The following TCERG1L variants were observed in gnomAD, a reference collection of about 807,000 sequenced individuals.
TCERG1L encodes transcription elongation regulator 1 like.
A neutral mutation model predicts 56.3 loss-of-function variants in TCERG1L; 37 were observed. The observed-to-expected ratio is 0.66, with a 90% CI of 0.51 to 0.87. TCERG1L has a LOEUF of 0.87. Ranked by LOEUF, TCERG1L falls within the 40% of genes least tolerant of loss-of-function variation. The pLI, the probability that TCERG1L is intolerant of heterozygous loss-of-function variation, is 0.00. For missense variants in TCERG1L, 799 were observed against 774.2 expected, an observed-to-expected ratio of 1.03 and a Z score of -0.38; for synonymous variants, 324 against 326.3, an observed-to-expected ratio of 0.99 and a Z score of 0.08.
chr10:131,306,646 T>G (rs1846821169), intron 3 of TCERG1L, among the ~76,000 whole-genome samples: 1 of 152,120 alleles, frequency 6.6e-6, no homozygotes, highest in African/African-American at 2.4e-5. Flanking sequence ...ACACCTACTA[T>G]GTACCCACAA....
chr10:131,173,985 A>C (rs1187831316), intron 4 of TCERG1L, among the ~76,000 whole-genome samples: 2 of 152,166 alleles, frequency 1.3e-5, no homozygotes, highest in Non-Finnish European at 2.9e-5. Context: ...AAACCCCTCA[A>C]GAAGCCCCTC....
intron 9 of TCERG1L, among the ~76,000 whole-genome samples, chr10:131,116,497 AGAG>A (rs1436821960): frequency 6.6e-6 from 1 of 152,172 alleles, no homozygotes; most frequent in African/African-American, 2.4e-5. Context: ...TTCTCCTTTC[AGAG>A]GAGAAGCAGG....
chr10:131,188,441 A>T (rs1017419157), intron 4 of TCERG1L, among the ~76,000 whole-genome samples: 4 of 152,192 alleles, frequency 2.6e-5, no homozygotes. Context: ...GTCTGAGAGC[A>T]ATGAACTTCT....
intron 4 of TCERG1L, among the ~76,000 whole-genome samples, chr10:131,211,154 C>T (rs915434984): frequency 1.3e-5 from 2 of 152,324 alleles, no homozygotes; most frequent in Non-Finnish European, 2.9e-5. Flanking sequence ...TGGTGGGGCA[C>T]GGTCAGGGCC....
chr10:131,307,066 A>G (rs1444586444), intron 3 of TCERG1L, among the ~76,000 whole-genome samples: 1 of 152,226 alleles, frequency 6.6e-6, no homozygotes, highest in Non-Finnish European at 1.5e-5. Context: ...ATACCAAAAG[A>G]ACCCTCCAAA....
rs35527542 is a variant in TCERG1L at position 131,096,883 on chromosome 10, C to CA, written c.1604+1422dup. Among the ~76,000 whole-genome samples, 165 of 134,696 alleles carry CA rather than the reference C, an allele frequency of 1.2e-3. 1 individual carries two copies. Among genetic ancestry groups the CA allele is most frequent in the African/African-American group, 2.4e-3 (87 of 36,558 alleles). 88.4% of individuals were successfully genotyped at this position (134,696 alleles called of 152,430 possible). ...CCTGGGCAACAGAGCGACTCCATCT[C>CA]AAAAAAAAAAAAAAAGAAAGAAAAA... is the stretch of plus-strand genomic sequence containing the variant. On this transcript the variant is annotated intron_variant, in intron 11 of 11. Coordinates refer to ENST00000368642, the MANE Select transcript of TCERG1L (RefSeq NM_174937.4).
At chr10:131,173,132 C>A (rs926583994) in intron 4 of TCERG1L, among the ~76,000 whole-genome samples, 4 of 152,038 alleles carry the variant, frequency 2.6e-5, no homozygotes, top group Non-Finnish European at 5.9e-5. Flanking sequence ...CTCAGGTGAT[C>A]CACCCGCCTC....
intron 4 of TCERG1L, among the ~76,000 whole-genome samples, chr10:131,243,121 T>C (rs909043660): frequency 6.6e-6 from 1 of 152,192 alleles, no homozygotes; most frequent in Non-Finnish European, 1.5e-5. Flanking sequence ...TGTGTGGGGC[T>C]GTGCAAGATT....
chr10:131,147,179 C>T (rs575834170), intron 6 of TCERG1L, among the ~76,000 whole-genome samples: 22 of 152,204 alleles, frequency 1.4e-4, no homozygotes, highest in South Asian at 2.1e-4. Context: ...ACCACAGCCC[C>T]GGTGTCCTGC....
intron 4 of TCERG1L, among the ~76,000 whole-genome samples, chr10:131,176,778 GGA>G (rs62640190): frequency 1.5e-3 from 22 of 14,584 alleles, no homozygotes; most frequent in East Asian, 9.6e-3. Context: ...CAAGACACAT[GGA>G]CACACAGAGA....
intron 4 of TCERG1L, among the ~76,000 whole-genome samples, chr10:131,178,413 C>A (rs1018453954): frequency 6.6e-6 from 1 of 152,150 alleles, no homozygotes; most frequent in Non-Finnish European, 1.5e-5. Flanking sequence ...ATCTCATGCC[C>A]TGAGTGGTCT....
At chr10:131,295,500 A>AT (rs1447521074) in intron 3 of TCERG1L, among the ~76,000 whole-genome samples, 1 of 152,210 alleles carries the variant, frequency 6.6e-6, no homozygotes, top group East Asian at 1.9e-4. Context: ...CGCCATTCTA[A>AT]TAAGTATGTA....
chr10:131,146,639 A>G lies in TCERG1L; in HGVS notation c.1056T>C (p.Asp352=), dbSNP rs1373732544. The stretch of plus-strand genomic sequence containing the variant: ...TTGGGTTGAAGAAGAAAACTCGGTC[A>G]TCGCCCGTCCAGACCACACACCTGT... ...GSPWCVVWTG[D]DRVFFFNPTM... The change falls in exon 7 of 12, where the codon GAT becomes GAC. Residue 352 remains aspartate (D), a synonymous_variant. Coordinates refer to ENST00000368642, the MANE Select transcript of TCERG1L (RefSeq NM_174937.4). 1.2e-6 allele frequency: 2 copies of G among 1,613,646 alleles called. No homozygotes were observed. Among genetic ancestry groups the G allele is most frequent in the Non-Finnish European group, 1.7e-6 (2 of 1,179,786 alleles).
In TCERG1L at chr10:131,273,591, C is replaced by T. The variant is rs530892423; in HGVS notation, c.671-13147G>A. On this transcript the variant is annotated intron_variant, in intron 3 of 11. Transcript: ENST00000368642. ...TGGTGGGCCTCAGCTTTCCCGCCTC[C>T]ATCCAGGCCCCTGGGCTGACCGAGG... 1.3e-3 allele frequency among the ~76,000 whole-genome samples: 193 copies of T among 152,320 alleles called. 2 individuals carry two copies. Among genetic ancestry groups the T allele is most frequent in the Middle Eastern group, 6.8e-3 (2 of 294 alleles).
chr10:131,257,002 AAAGAAAG>A (rs1186988756), intron 4 of TCERG1L, among the ~76,000 whole-genome samples: 1 of 116,026 alleles, frequency 8.6e-6, no homozygotes, highest in African/African-American at 3.2e-5. Context: ...GGAAAGAAAG[AAAGAAAG>A]AAAGAAAGAA....
At chr10:131,138,211 T>G (rs984572146) in intron 7 of TCERG1L, among the ~76,000 whole-genome samples, 15 of 152,182 alleles carry the variant, frequency 9.9e-5, no homozygotes, top group Admixed American at 2.6e-4. Context: ...TTCAATTTTT[T>G]GAACTCTGTA....
intron 4 of TCERG1L, among the ~76,000 whole-genome samples, chr10:131,176,988 A>C (rs1164423145): frequency 1.3e-5 from 1 of 76,948 alleles, no homozygotes; most frequent in Non-Finnish European, 2.8e-5. Context: ...ACACACCAAG[A>C]CAGGTGTACA....
intron 4 of TCERG1L, among the ~76,000 whole-genome samples, chr10:131,193,039 TAATA>T (rs909070189): frequency 3.9e-5 from 6 of 152,272 alleles, no homozygotes; most frequent in African/African-American, 7.2e-5. Context: ...AATAAATAAA[TAATA>T]GTTATTTTGA....
intron 4 of TCERG1L, among the ~76,000 whole-genome samples, chr10:131,240,614 C>CACAG (rs1845960429): frequency 6.6e-6 from 1 of 152,190 alleles, no homozygotes; most frequent in Non-Finnish European, 1.5e-5. Context: ...ACAGCACCCG[C>CACAG]ACAGGGTTTA....
Sources: allele counts gnomAD v4.1 joint callset (sites outside exome capture counted in the v4.1 genomes callset), GRCh38; gene constraint gnomAD v4.1.1; transcripts MANE v1.5; gene names NCBI Gene and HGNC (gene_info 2026-07-23, HGNC 2026-07-21).